The following HK1 variants were observed in gnomAD, a reference collection of about 807,000 sequenced individuals.
The protein encoded by HK1 is hexokinase-1.
Under a neutral mutation model 91.6 loss-of-function variants are expected in HK1, and 28 were observed. The ratio of observed to expected loss-of-function variants is 0.31; its 90% CI spans 0.23 to 0.42. HK1 has a LOEUF of 0.42. Ranked by LOEUF, HK1 falls within the 10% of genes least tolerant of loss-of-function variation. The pLI is 1.00. For synonymous variants in HK1, 430 were observed against 468.1 expected, an observed-to-expected ratio of 0.92 and a Z score of 1.05; for missense variants, 770 against 1,219.8, an observed-to-expected ratio of 0.63 and a Z score of 5.49.
At chr10:69,333,889 G>T (rs1324318120) in intron 1 of HK1, among the ~76,000 whole-genome samples, 2 of 152,134 alleles carry the variant, frequency 1.3e-5, no homozygotes, top group Non-Finnish European at 2.9e-5. Flanking sequence ...GAGGTGGGCA[G>T]ATCACAAGGT....
intron 1 of HK1, chr10:69,337,909 C>T (rs1431223533): frequency 6.5e-6 from 1 of 153,368 alleles, no homozygotes; most frequent in Non-Finnish European, 1.5e-5. Flanking sequence ...GGCCTGTTCA[C>T]TTGGGCATGT....
At chr10:69,293,962 C>T (rs1031679869) in intron 3 of HK1, among the ~76,000 whole-genome samples, 6 of 150,274 alleles carry the variant, frequency 4.0e-5, no homozygotes, top group Non-Finnish European at 5.9e-5. Flanking sequence ...CCCGGGTTCA[C>T]GCCATTCTCC....
intron 14 of HK1, 180 bp downstream of exon 14, chr10:69,389,476 A>AGGGGGGGGG: frequency 1.6e-5 from 3 of 191,740 alleles, no homozygotes; most frequent in South Asian, 3.0e-5. Context: ...TGGCGGGGGG[A>AGGGGGGGGG]GGTGGGGGGG....
At chr10:69,390,114 G>A (rs535945948) in intron 14 of HK1, among the ~76,000 whole-genome samples, 2 of 152,328 alleles carry the variant, frequency 1.3e-5, no homozygotes, top group African/African-American at 4.8e-5. Flanking sequence ...TGCCTTCCAG[G>A]TGCCAGGAAG....
intron 7 of HK1, among the ~76,000 whole-genome samples, chr10:69,376,574 A>G (rs1414720561): frequency 6.6e-6 from 1 of 152,230 alleles, no homozygotes; most frequent in African/African-American, 2.4e-5. Context: ...TATAGCATAC[A>G]GTTTAGGAGG....
chr10:69,287,347 G>C (rs183064502), intron 2 of HK1, among the ~76,000 whole-genome samples: 12 of 152,170 alleles, frequency 7.9e-5, no homozygotes, highest in Admixed American at 7.2e-4. Flanking sequence ...AGAACAGCAG[G>C]GGGGGAACCG....
chr10:69,378,321 A>AC (rs1244047135), intron 8 of HK1, among the ~76,000 whole-genome samples: 1 of 152,018 alleles, frequency 6.6e-6, no homozygotes, highest in African/African-American at 2.4e-5. Context: ...AAAAAAAAAA[A>AC]ACTATAAAAA....
At chr10:69,372,907 C>T (rs1194542146) in intron 7 of HK1, among the ~76,000 whole-genome samples, 1 of 152,026 alleles carries the variant, frequency 6.6e-6, no homozygotes, top group East Asian at 1.9e-4. Context: ...CTTGCTCTGT[C>T]ACCCAGGCTG....
chr10:69,291,500 T>G (rs1845295929), intron 3 of HK1, among the ~76,000 whole-genome samples: 2 of 152,154 alleles, frequency 1.3e-5, no homozygotes, highest in Non-Finnish European at 1.5e-5. Flanking sequence ...GTGAAGAAGG[T>G]GTCATTCCCA....
At chr10:69,364,670 T>G in intron 3 of HK1, 113 bp from the exon 4 acceptor site, 3 of 1,323,098 alleles carry the variant, frequency 2.3e-6, no homozygotes, top group Non-Finnish European at 3.3e-6. Context: ...TACGAGCACT[T>G]TGTTTGGGTA....
At chr10:69,278,923 A>G (rs2132421470) in intron 1 of HK1, 1 of 152,254 alleles carries the variant, frequency 6.6e-6, no homozygotes, top group South Asian at 2.1e-4. Flanking sequence ...ATGTGGTTAC[A>G]TTTTTGTCCG....
rs541099356 is a variant in HK1 at position 69,349,137 on chromosome 10, G to GA, written c.226+5149dup. ...ACCAAAGATTGAAAGAGGAAGTTGG[G>GA]AGGAAACCTATTACTGCAGAAAGAG... On this transcript the variant is annotated intron_variant, in intron 2 of 17. Coordinates refer to ENST00000359426, the MANE Select transcript of HK1 (RefSeq NM_000188.3). Among the ~76,000 whole-genome samples the GA allele has an allele frequency of 1.1e-4, 16 of 152,314 alleles. No homozygotes were observed. In the East Asian group the frequency reaches 3.1e-3, roughly 29 times the overall value.
rs372640291 is a variant in HK1, at chr10:69,380,137, G to A, written c.1265+42G>A. 4.7e-6 allele frequency: 7 copies of A among 1,478,272 alleles called. No individual in the cohort carries two copies. Among genetic ancestry groups the A allele is most frequent in the Non-Finnish European group, 6.6e-6 (7 of 1,056,202 alleles). The allele number at this position is 1,478,272 out of a possible 1,614,324, so 91.6% of individuals were successfully genotyped here. A position where few individuals can be genotyped will look rare whatever the true frequency, so the allele number is the denominator to read the frequency against. On this transcript the variant is annotated intron_variant, in intron 9 of 17. Transcript: ENST00000359426. The surrounding 1 kb of genome is among the most constrained non-coding windows in gnomAD (Gnocchi z 4.0). ...CTATCATTGGCACTCTGTACCCATT[G>A]TGGGTAGGGACCTTCTCCAGAGATC...
At position 69,400,977 on chromosome 10, in the gene HK1, C is replaced by G. The variant is rs748788597; in HGVS notation, c.2610-14C>G. The G allele has an allele frequency of 2.1e-5, 34 of 1,614,072 alleles. No homozygotes were observed. Among genetic ancestry groups the G allele is most frequent in the Middle Eastern group, 1.6e-4 (1 of 6,084 alleles). ...TCTTCCTCCAACTACCTTCTGTTTT[C>G]TCGTCCTTTTTAGCTTCTCCAGAAT... On this transcript the variant is annotated splice_polypyrimidine_tract_variant and intron_variant, in intron 17 of 17. Transcript: ENST00000359426.
chr10:69,276,194 CTTGTT>C (rs902036745), intron 1 of HK1, among the ~76,000 whole-genome samples: 3 of 129,048 alleles, frequency 2.3e-5, no homozygotes, highest in African/African-American at 8.6e-5. Context: ...TTAGATTAAA[CTTGTT>C]TTGTTGTTCA....
chr10:69,343,600 CT>C (rs766980140), intron 1 of HK1, among the ~76,000 whole-genome samples: 8 of 152,196 alleles, frequency 5.3e-5, no homozygotes, highest in Admixed American at 3.9e-4. Flanking sequence ...TGGAAAGGAT[CT>C]TAGAGATATC....
At chr10:69,302,474 A>G (rs1845925365) in intron 5 of HK1, among the ~76,000 whole-genome samples, 1 of 149,712 alleles carries the variant, frequency 6.7e-6, no homozygotes, top group Non-Finnish European at 1.5e-5. Flanking sequence ...TCCCGGGTTC[A>G]CACCATTCTC....
At chr10:69,305,261 C>A (rs1846049174) in intron 5 of HK1, among the ~76,000 whole-genome samples, 1 of 152,176 alleles carries the variant, frequency 6.6e-6, no homozygotes, top group Non-Finnish European at 1.5e-5. Flanking sequence ...GACACTCTCA[C>A]TTTCATCTCT....
chr10:69,376,021 T>C (rs1174832950), intron 7 of HK1, among the ~76,000 whole-genome samples: 1 of 151,540 alleles, frequency 6.6e-6, no homozygotes, highest in Non-Finnish European at 1.5e-5. Flanking sequence ...GGGGGAGGAG[T>C]GAGTTCCTCA....
Sources: allele counts gnomAD v4.1 joint callset (sites outside exome capture counted in the v4.1 genomes callset), GRCh38; gene constraint gnomAD v4.1.1; non-coding constraint Gnocchi (gnomAD v3.1); transcripts MANE v1.5; gene names NCBI Gene and HGNC (gene_info 2026-07-23, HGNC 2026-07-21).